ALK: variants seen among roughly 807,000 people sequenced by gnomAD.
ALK encodes the protein ALK receptor tyrosine kinase, also known as ALK tyrosine kinase receptor.
Under a neutral mutation model 163.1 loss-of-function variants are expected in ALK, and 74 were observed. The ratio of observed to expected loss-of-function variants is 0.45; its 90% confidence interval spans 0.38 to 0.55. The LOEUF (loss-of-function observed/expected upper bound fraction) is 0.55. Ranked by LOEUF, ALK falls within the 20% of genes least tolerant of loss-of-function variation. The pLI is 0.00. For synonymous variants in ALK, 960 were observed against 843.2 expected, an observed-to-expected ratio of 1.14 and a Z score of -2.40; for missense variants, 2,063 against 2,105.3, an observed-to-expected ratio of 0.98 and a Z score of 0.39.
chr2:29,603,239 GTT>G (rs1675428059), intron 3 of ALK, among the ~76,000 whole-genome samples: 1 of 152,176 alleles, frequency 6.6e-6, no homozygotes, highest in Non-Finnish European at 1.5e-5. Context: ...AGGTACCTGA[GTT>G]TCAGCTAATC....
rs138542098 is a variant in ALK at position 29,429,904 on chromosome 2, A to C, written c.1155-46045T>G. 3.3e-3 allele frequency among the ~76,000 whole-genome samples: 501 copies of C among 152,288 alleles called. 4 individuals are homozygous for C. The highest frequency in any genetic ancestry group is 0.011 in the African/African-American group (468 of 41,570). On this transcript the variant is annotated intron_variant, in intron 4 of 28. Transcript: ENST00000389048. ...CAGATCCATGAAATAGAATTGAAAT[A>C]AACCCTCAAATTTGTGGTTGAGTCT...
chr2:29,368,508 T>G (rs1668566076), intron 5 of ALK, among the ~76,000 whole-genome samples: 1 of 152,178 alleles, frequency 6.6e-6, no homozygotes, highest in African/African-American at 2.4e-5. Context: ...TCTAGTAAAG[T>G]CTCCTGCCTT....
chr2:29,245,963 T>A (rs1045387487), intron 12 of ALK, among the ~76,000 whole-genome samples: 2 of 152,188 alleles, frequency 1.3e-5, no homozygotes, highest in Non-Finnish European at 2.9e-5. Context: ...TGAGTGTCAT[T>A]GACAGAGACC....
intron 1 of ALK, among the ~76,000 whole-genome samples, chr2:29,799,091 A>C (rs1664397039): frequency 6.6e-6 from 1 of 152,230 alleles, no homozygotes. Context: ...AAATTGTCTG[A>C]AATTGGAAGC....
At chr2:29,320,658 C>G in intron 7 of ALK, 93 bp downstream of exon 7, 10 of 1,577,452 alleles carry the variant, frequency 6.3e-6, no homozygotes, top group Non-Finnish European at 8.7e-6. Flanking sequence ...CGAGCTTGCC[C>G]TGCAGGTGGG....
chr2:29,824,996 T>C (rs1474688761), intron 1 of ALK, among the ~76,000 whole-genome samples: 1 of 152,206 alleles, frequency 6.6e-6, no homozygotes, highest in Non-Finnish European at 1.5e-5. Context: ...AATTGAATCA[T>C]GGGAGCAAGT....
At chr2:29,248,450 G>A (rs1246886605) in intron 12 of ALK, among the ~76,000 whole-genome samples, 3 of 152,180 alleles carry the variant, frequency 2.0e-5, no homozygotes, top group Admixed American at 6.6e-5. Context: ...GCAACAGAGC[G>A]CGACTCTGTC....
intron 3 of ALK, among the ~76,000 whole-genome samples, chr2:29,538,108 G>A (rs938464338): frequency 2.6e-5 from 4 of 152,134 alleles, no homozygotes; most frequent in Middle Eastern, 3.2e-3. Flanking sequence ...GAACATTTGT[G>A]TTAATATTGG....
chr2:29,809,813 G>C (rs1362494892), intron 1 of ALK, among the ~76,000 whole-genome samples: 1 of 152,224 alleles, frequency 6.6e-6, no homozygotes, highest in Non-Finnish European at 1.5e-5. Context: ...CAGCAGGTTT[G>C]TGAAGAGCAC....
chr2:29,335,568 G>A (rs565272362), intron 5 of ALK, among the ~76,000 whole-genome samples: 3 of 152,284 alleles, frequency 2.0e-5, no homozygotes, highest in Admixed American at 2.0e-4. Flanking sequence ...ACCACAGATA[G>A]GGGCCCAAGA....
intron 4 of ALK, among the ~76,000 whole-genome samples, chr2:29,431,850 T>C (rs895898340): frequency 1.3e-5 from 2 of 152,080 alleles, no homozygotes; most frequent in Non-Finnish European, 2.9e-5. Flanking sequence ...AATAGGCACT[T>C]TGGGGACCCA....
Position 29,225,552 on chromosome 2 carries a change from C to G in ALK, c.3081G>C (p.Pro1027=), listed in dbSNP as rs747320964. The part of the protein sequence containing the change: ...DGVSCIVSPT[P]EPHLPLSLIL... ...TCAGCGAGAGTGGCAGGTGTGGCTC[C>G]GGGGTGGGTGACACTGGAAGACAGG... Residue 1027 remains proline, a synonymous_variant, in exon 19 of 29, where the codon CCG becomes CCC. Transcript: ENST00000389048. 2.5e-6 allele frequency: 4 copies of G among 1,599,654 alleles called. No individual in the cohort carries two copies. The highest frequency in any genetic ancestry group is 3.4e-6 in the Non-Finnish European group (4 of 1,175,006).
At chr2:29,666,446 G>T (rs1394100241) in intron 3 of ALK, among the ~76,000 whole-genome samples, 1 of 152,056 alleles carries the variant, frequency 6.6e-6, no homozygotes, top group African/African-American at 2.4e-5. Flanking sequence ...CAATGCCCTT[G>T]TATCTCCTCA....
chr2:29,404,198 G>A (rs1669524384), intron 4 of ALK, among the ~76,000 whole-genome samples: 1 of 151,830 alleles, frequency 6.6e-6, no homozygotes. Context: ...CAGCTACTCG[G>A]AAGGTGGAGG....
chr2:29,838,197 A>G (rs1167640211), intron 1 of ALK, among the ~76,000 whole-genome samples: 1 of 152,162 alleles, frequency 6.6e-6, no homozygotes, highest in East Asian at 1.9e-4. Context: ...AAAAGGAAAA[A>G]AAGGAGCAGA....
chr2:29,222,745 C>A, intron 20 of ALK, 138 bp from the exon 21 acceptor site: 1 of 709,852 alleles, frequency 1.4e-6, no homozygotes, highest in East Asian at 2.7e-5. Context: ...AGGAGTAATA[C>A]CCTCAACATG....
At chr2:29,731,288 A>G (rs1387125138) in intron 1 of ALK, among the ~76,000 whole-genome samples, 5 of 152,202 alleles carry the variant, frequency 3.3e-5, no homozygotes, top group African/African-American at 1.2e-4. Flanking sequence ...GCGTCTTATC[A>G]GAAGTCCCAT....
At chr2:29,780,693 C>A (rs1681309090) in intron 1 of ALK, among the ~76,000 whole-genome samples, 1 of 152,190 alleles carries the variant, frequency 6.6e-6, no homozygotes, top group South Asian at 2.1e-4. Context: ...GTTAGCACAA[C>A]CCATGGCGTT....
chr2:29,233,443 G>A, intron 14 of ALK, 122 bp downstream of exon 14: 3 of 1,416,552 alleles, frequency 2.1e-6, no homozygotes, highest in Middle Eastern at 2.4e-4. Context: ...ACTGTACCTG[G>A]CCCTGCTCAT....
Sources: allele counts gnomAD v4.1 joint callset (sites outside exome capture counted in the v4.1 genomes callset), GRCh38; gene constraint gnomAD v4.1.1; transcripts MANE v1.5; gene names NCBI Gene and HGNC (gene_info 2026-07-23, HGNC 2026-07-21).